Variants in ZNF507 observed in about 807,000 individuals in gnomAD.
ZNF507 encodes zinc finger protein 507.
In ZNF507, 29 loss-of-function variants were observed where a neutral mutation model predicts 80.0. The observed-to-expected ratio is 0.36, with a 90% CI of 0.27 to 0.49. ZNF507 has a LOEUF of 0.49. Ranked by LOEUF, ZNF507 falls within the 20% of genes least tolerant of loss-of-function variation. The pLI is 0.98. For synonymous variants in ZNF507, 462 were observed against 422.5 expected, an observed-to-expected ratio of 1.09 and a Z score of -1.15; for missense variants, 1,081 against 1,152.2, an observed-to-expected ratio of 0.94 and a Z score of 0.90.
intron 2 of ZNF507, among the ~76,000 whole-genome samples, chr19:32,348,387 A>G (rs569884724): frequency 2.6e-4 from 40 of 152,072 alleles, no homozygotes; most frequent in African/African-American, 9.6e-4. Flanking sequence ...ACTTTTCTTC[A>G]TATAAACACA....
At chr19:32,361,398 G>T (rs1405459950) in intron 5 of ZNF507, among the ~76,000 whole-genome samples, 1 of 152,204 alleles carries the variant, frequency 6.6e-6, no homozygotes, top group Non-Finnish European at 1.5e-5. Flanking sequence ...ATACAAGTGA[G>T]TGTGGGAAAG....
intron 4 of ZNF507, chr19:32,358,385 C>T (rs2145322153): frequency 6.6e-6 from 1 of 152,344 alleles, no homozygotes; most frequent in African/African-American, 2.4e-5. Flanking sequence ...TCCTCAGTCT[C>T]TGCCATTCAG....
intron 5 of ZNF507, among the ~76,000 whole-genome samples, chr19:32,362,275 A>G (rs1647064692): frequency 6.6e-6 from 1 of 152,232 alleles, no homozygotes; most frequent in South Asian, 2.1e-4. Flanking sequence ...AGGGAACACT[A>G]GTTTACCTGA....
chr19:32,353,041 C>G lies in ZNF507; in HGVS notation c.211C>G (p.Pro71Ala), dbSNP rs1967191709. 1 of 1,613,786 alleles carries G rather than the reference C, an allele frequency of 6.2e-7. No individual in the cohort carries two copies. Among genetic ancestry groups the G allele is most frequent in the African/African-American group, 1.3e-5 (1 of 74,860 alleles). The change falls in exon 3 of 7, where the codon CCA (proline) becomes GCA (alanine). Residue 71 changes from proline to alanine, a missense_variant. Around this residue, in one of 6 missense-constraint regions of ZNF507, gnomAD observed 275 missense variants for 303.9 expected, o/e 0.90. Transcript: ENST00000355898. ...QKCLLIGKKR[P>A]RSSAATHSLE... ...ATGTCTTTTAATTGGGAAGAAACGC[C>G]CACGTTCAAGTGCTGCAACACACTC...
At chr19:32,376,012 A>G (rs965362528) in intron 5 of ZNF507, among the ~76,000 whole-genome samples, 24 of 152,206 alleles carry the variant, frequency 1.6e-4, no homozygotes, top group African/African-American at 4.8e-4. Flanking sequence ...ATGATTGTCA[A>G]TTGTCAGAAT....
chr19:32,346,182 A>G (rs777151097), intron 1 of ZNF507, among the ~76,000 whole-genome samples: 2 of 152,082 alleles, frequency 1.3e-5, no homozygotes, highest in Non-Finnish European at 2.9e-5. Flanking sequence ...CCGACCCATC[A>G]CCTCAGTCCT....
intron 2 of ZNF507, among the ~76,000 whole-genome samples, chr19:32,348,175 T>C (rs1967119289): frequency 2.0e-5 from 3 of 152,214 alleles, no homozygotes; most frequent in Admixed American, 6.5e-5. Context: ...GAGGGCACTT[T>C]AGGGGAGGGA....
intron 5 of ZNF507, among the ~76,000 whole-genome samples, chr19:32,377,549 TTTA>T (rs1274770111): frequency 6.6e-6 from 1 of 152,222 alleles, no homozygotes; most frequent in Non-Finnish European, 1.5e-5. Context: ...TTTTATATAT[TTTA>T]TTATACTGGA....
intron 3 of ZNF507, among the ~76,000 whole-genome samples, chr19:32,355,255 G>T (rs1568304059): frequency 6.6e-6 from 1 of 152,182 alleles, no homozygotes; most frequent in Admixed American, 6.5e-5. Context: ...GTGTATAGTG[G>T]ATTGACATAC....
At chr19:32,378,067 A>C (rs1967574494) in intron 5 of ZNF507, among the ~76,000 whole-genome samples, 2 of 152,132 alleles carry the variant, frequency 1.3e-5, no homozygotes, top group South Asian at 4.2e-4. Context: ...AAACAAGGCA[A>C]GTTGGCCGGG....
chr19:32,378,407 C>A (rs920134515), intron 5 of ZNF507, among the ~76,000 whole-genome samples: 1 of 151,944 alleles, frequency 6.6e-6, no homozygotes, highest in African/African-American at 2.4e-5. Flanking sequence ...CTTAAGGAGA[C>A]GTGAGGACTA....
chr19:32,371,465 C>T (rs1395986586), intron 5 of ZNF507, among the ~76,000 whole-genome samples: 6 of 130,598 alleles, frequency 4.6e-5, no homozygotes, highest in East Asian at 2.5e-4. Context: ...GCAACAAAAG[C>T]GAAACTCCCA....
intron 5 of ZNF507, among the ~76,000 whole-genome samples, chr19:32,363,384 T>C (rs1685835369): frequency 6.6e-6 from 1 of 152,270 alleles, no homozygotes; most frequent in Admixed American, 6.5e-5. Flanking sequence ...CATAACAAGT[T>C]TTCTGTAGTG....
At chr19:32,377,106 C>T (rs939096554) in intron 5 of ZNF507, among the ~76,000 whole-genome samples, 6 of 151,982 alleles carry the variant, frequency 3.9e-5, no homozygotes, top group African/African-American at 9.7e-5. Flanking sequence ...TAACTGCGGG[C>T]GGGCCTGACT....
At chr19:32,351,927 ATTTTATG>A (rs1244506862) in intron 2 of ZNF507, among the ~76,000 whole-genome samples, 1 of 152,206 alleles carries the variant, frequency 6.6e-6, no homozygotes, top group African/African-American at 2.4e-5. Context: ...ATTTATGGGT[ATTTTATG>A]TTTAGTGACT....
intron 5 of ZNF507, among the ~76,000 whole-genome samples, chr19:32,373,055 AT>A (rs1647589184): frequency 6.6e-6 from 1 of 152,336 alleles, no homozygotes; most frequent in South Asian, 2.1e-4. Flanking sequence ...TTTTTGCAGC[AT>A]CCTGACATGC....
intron 2 of ZNF507, among the ~76,000 whole-genome samples, chr19:32,351,423 G>C (rs1967162705): frequency 9.1e-6 from 1 of 110,360 alleles, no homozygotes; most frequent in Non-Finnish European, 1.9e-5. Context: ...GGTCAGCTGT[G>C]TGTGTGTGTG....
At chr19:32,379,466 C>G (rs1967596073) in intron 5 of ZNF507, among the ~76,000 whole-genome samples, 1 of 152,212 alleles carries the variant, frequency 6.6e-6, no homozygotes, top group Non-Finnish European at 1.5e-5. Flanking sequence ...CATTTTACCA[C>G]ATTTTGAAGA....
At chr19:32,355,049 T>C in intron 3 of ZNF507, 92 bp downstream of exon 3, 1 of 1,267,368 alleles carries the variant, frequency 7.9e-7, no homozygotes, top group Non-Finnish European at 1.1e-6. Flanking sequence ...CCTCATTTTA[T>C]AGATAAGGAA....
Sources: gnomAD v4.1 joint callset for allele counts (sites outside exome capture counted in the v4.1 genomes callset) on GRCh38, gnomAD v4.1.1 for gene constraint, gnomAD v4.1.1 regional missense constraint, MANE v1.5 for transcripts, NCBI Gene and HGNC (gene_info 2026-07-23, HGNC 2026-07-21) for gene names.